Variants in RANBP2 observed in about 807,000 individuals in gnomAD.
RANBP2 encodes the protein RAN binding protein 2, also known as E3 SUMO-protein ligase RanBP2.
A neutral mutation model predicts 303.6 loss-of-function variants in RANBP2; 57 were observed. The observed-to-expected ratio is 0.19, with a 90% CI of 0.15 to 0.23. The LOEUF (loss-of-function observed/expected upper bound fraction) is 0.23, where lower values mean the gene tolerates loss of function less well. Ranked by LOEUF, RANBP2 falls within the 10% of genes least tolerant of loss-of-function variation. The pLI is 1.00. For missense variants in RANBP2, 3,138 were observed against 3,780.8 expected (o/e 0.83, Z 4.46); for synonymous variants, 1,167 against 1,301.5 (o/e 0.90, Z 2.23).
At chr2:109,019,790 T>G in the RANBP2 span, among the ~76,000 whole-genome samples, 1 of 152,224 alleles carries the variant, frequency 6.6e-6, no homozygotes, top group Non-Finnish European at 1.5e-5. Context: ...GAAATGCCTT[T>G]GGCTTCTCCT....
At chr2:108,807,861 G>A in the RANBP2 span, among the ~76,000 whole-genome samples, 23 of 152,108 alleles carry the variant, frequency 1.5e-4, no homozygotes, top group African/African-American at 4.8e-4. Flanking sequence ...CACCTGCCTC[G>A]GCCTCCCGAA....
At chr2:108,873,582 A>G in the RANBP2 span, 1 of 1,581,856 alleles carries the variant, frequency 6.3e-7, no homozygotes, top group Non-Finnish European at 8.6e-7. Flanking sequence ...GAAACTTTCC[A>G]AAATCAAGTA....
At chr2:109,406,175 A>G in the RANBP2 span, among the ~76,000 whole-genome samples, 2 of 152,142 alleles carry the variant, frequency 1.3e-5, no homozygotes, top group Admixed American at 6.5e-5. Context: ...TCTGGGCATA[A>G]TGGAGTATCA....
the RANBP2 span, among the ~76,000 whole-genome samples, chr2:108,980,312 A>C: frequency 6.6e-6 from 1 of 152,234 alleles, no homozygotes; most frequent in Non-Finnish European, 1.5e-5. Flanking sequence ...AACCTCTGTG[A>C]AGGTGAGGAG....
the RANBP2 span, among the ~76,000 whole-genome samples, chr2:108,815,455 T>G: frequency 4.6e-4 from 66 of 142,006 alleles, no homozygotes; most frequent in South Asian, 5.0e-3. Flanking sequence ...TGGGGAGGTT[T>G]TTGGTGTTTT....
the RANBP2 span, among the ~76,000 whole-genome samples, chr2:109,002,796 G>T: frequency 1.3e-5 from 2 of 152,166 alleles, no homozygotes; most frequent in African/African-American, 2.4e-5. Flanking sequence ...CTCACAGTTT[G>T]CAGAAAGCTG....
At chr2:108,865,116 A>G in the RANBP2 span, among the ~76,000 whole-genome samples, 4 of 152,048 alleles carry the variant, frequency 2.6e-5, no homozygotes, top group African/African-American at 4.8e-5. Context: ...TTTTTATCAC[A>G]GGAATGCTAC....
the RANBP2 span, among the ~76,000 whole-genome samples, chr2:109,430,630 AGTT>A: frequency 2.0e-5 from 3 of 151,886 alleles, no homozygotes; most frequent in Non-Finnish European, 4.4e-5. Context: ...TGTTGGCTGC[AGTT>A]GTTTGTCATT....
At chr2:108,988,788 G>C in the RANBP2 span, among the ~76,000 whole-genome samples, 1 of 152,166 alleles carries the variant, frequency 6.6e-6, no homozygotes, top group Non-Finnish European at 1.5e-5. Flanking sequence ...AACAATCTCA[G>C]GTCTTAGAAC....
At chr2:109,660,504 A>G in the RANBP2 span, among the ~76,000 whole-genome samples, 1 of 152,338 alleles carries the variant, frequency 6.6e-6, no homozygotes, top group South Asian at 2.1e-4. Context: ...AACACCAAGA[A>G]CCTGGATGAC....
chr2:108,956,861 A>C, the RANBP2 span, among the ~76,000 whole-genome samples: 4,198 of 151,710 alleles, frequency 0.028, 116 homozygotes, highest in African/African-American at 0.072. Flanking sequence ...CGATCTCAGC[A>C]CACCGCAACC....
the RANBP2 span, among the ~76,000 whole-genome samples, chr2:108,888,362 T>C: frequency 1.0e-3 from 155 of 152,268 alleles, 1 homozygote; most frequent in African/African-American, 3.4e-3. Context: ...GGTTTTGGTA[T>C]TAGGGTAATG....
chr2:109,079,704 G>GCA, the RANBP2 span, among the ~76,000 whole-genome samples: 3 of 152,284 alleles, frequency 2.0e-5, no homozygotes, highest in African/African-American at 7.2e-5. Context: ...TGGGGAGACA[G>GCA]CACACACACA....
the RANBP2 span, among the ~76,000 whole-genome samples, chr2:109,262,431 C>G: frequency 6.6e-6 from 1 of 152,198 alleles, no homozygotes; most frequent in Non-Finnish European, 1.5e-5. Context: ...CTGGGAACCT[C>G]TCATGGTGCC....
At chr2:108,862,848 G>A in the RANBP2 span, among the ~76,000 whole-genome samples, 164 of 152,024 alleles carry the variant, frequency 1.1e-3, 3 homozygotes, top group African/African-American at 3.9e-3. Flanking sequence ...CATATTTGCA[G>A]GTAGGCTATG....
the RANBP2 span, among the ~76,000 whole-genome samples, chr2:109,387,462 T>G: frequency 6.6e-6 from 1 of 152,186 alleles, no homozygotes; most frequent in South Asian, 2.1e-4. Context: ...TCTGGCCTTC[T>G]TGCTTTTCCT....
At chr2:109,041,251 A>G in the RANBP2 span, among the ~76,000 whole-genome samples, 1 of 152,178 alleles carries the variant, frequency 6.6e-6, no homozygotes, top group Non-Finnish European at 1.5e-5. Flanking sequence ...ATACGAGTAT[A>G]GCATTCAAAG....
the RANBP2 span, among the ~76,000 whole-genome samples, chr2:109,348,295 C>T: frequency 4.6e-5 from 7 of 152,214 alleles, no homozygotes; most frequent in East Asian, 5.8e-4. Flanking sequence ...AGCAGAATGA[C>T]GCCTTTCCAG....
the RANBP2 span, among the ~76,000 whole-genome samples, chr2:108,988,306 C>A: frequency 6.6e-6 from 1 of 152,184 alleles, no homozygotes; most frequent in Admixed American, 6.5e-5. Flanking sequence ...GGAATCAGAG[C>A]CGACTGAATC....
Sources: gnomAD v4.1 joint callset for allele counts (sites outside exome capture counted in the v4.1 genomes callset) on GRCh38, gnomAD v4.1.1 for gene constraint, MANE v1.5 for transcripts, NCBI Gene and HGNC (gene_info 2026-07-23, HGNC 2026-07-21) for gene names.